Variants in LGI4 observed in about 807,000 individuals in gnomAD.
The protein encoded by LGI4 is leucine-rich repeat LGI family member 4.
Under a neutral mutation model 48.3 loss-of-function variants are expected in LGI4, and 36 were observed. The observed-to-expected ratio is 0.75, with a 90% CI of 0.57 to 0.98. The LOEUF (loss-of-function observed/expected upper bound fraction) is 0.98. Ranked by LOEUF, LGI4 falls within the 50% of genes least tolerant of loss-of-function variation. The pLI, the probability that LGI4 is intolerant of heterozygous loss-of-function variation, is 0.00. For missense variants in LGI4, 701 were observed against 732.1 expected (o/e 0.96, Z 0.49); for synonymous variants, 355 against 331.6 (o/e 1.07, Z -0.77).
At chr19:35,132,082 C>G in intron 3 of LGI4, 40 bp from the exon 4 acceptor site, 1 of 1,513,954 alleles carries the variant, frequency 6.6e-7, no homozygotes, top group Non-Finnish European at 9.0e-7. Flanking sequence ...GCCCGCTGAG[C>G]TTCAGGGAAC....
intron 6 of LGI4, among the ~76,000 whole-genome samples, chr19:35,130,772 T>A (rs546155087): frequency 6.6e-6 from 1 of 152,266 alleles, no homozygotes; most frequent in East Asian, 1.9e-4. Context: ...TCCCCCCAGC[T>A]CTGTGTGGCC....
intron 6 of LGI4, among the ~76,000 whole-genome samples, chr19:35,129,053 C>T (rs1240020237): frequency 6.6e-6 from 1 of 152,194 alleles, no homozygotes; most frequent in Non-Finnish European, 1.5e-5. Flanking sequence ...ACACATTGAT[C>T]TGTGCCGTGT....
chr19:35,126,910 G>GGCAGC lies in LGI4; in HGVS notation c.731_735dup (p.Leu246AlafsTer3). On this transcript the variant is annotated frameshift_variant, in exon 7 of 9. Coordinates refer to ENST00000310123, the MANE Select transcript of LGI4 (RefSeq NM_139284.3). LOFTEE classifies it high-confidence loss of function. The stretch of plus-strand genomic sequence containing the variant: ...AGGCTGTAGTCCCAGGAGAGAATCA[G>GGCAGC]GCAGCGGCCGGCGAAGGGCTGTGCC... The GGCAGC allele has an allele frequency of 6.2e-7, 1 of 1,613,696 alleles. No homozygotes were observed. Among genetic ancestry groups the GGCAGC allele is most frequent in the Non-Finnish European group, 8.5e-7 (1 of 1,179,926 alleles).
chr19:35,134,058 G>A lies in LGI4; in HGVS notation c.217C>T (p.Leu73=). 6.4e-7 allele frequency: 1 copy of A among 1,565,234 alleles called. No homozygotes were observed. The highest frequency in any genetic ancestry group is 1.4e-5 in the African/African-American group (1 of 73,928). ...AGCAGGTGCAGAGACGGAATTCTCA[G>A]GAAGCTGCCGGCCTTCAGCTGGGTG... ...GVTQLKAGSF[L]RIPSLHLLLF... Residue 73 remains leucine, a synonymous_variant, in exon 2 of 9, where the codon CTG becomes TTG. Coordinates refer to ENST00000310123, the MANE Select transcript of LGI4 (RefSeq NM_139284.3).
rs748297500 is a variant in LGI4, at chr19:35,126,408, G to C, written c.1161C>G (p.Pro387=). The change falls in exon 8 of 9, where the codon CCC becomes CCG. Residue 387 remains proline, a synonymous_variant. Coordinates refer to ENST00000310123, the MANE Select transcript of LGI4 (RefSeq NM_139284.3). ...GGCCACCGGTCCAGTGGAAGAGCAC[G>C]GGCCGCTGGGAAGCCGAGGCCAGCA... The part of the protein sequence containing the change: ...HLLLASASQR[P]VLFHWTGGRF... The C allele has an allele frequency of 5.0e-6, 8 of 1,608,058 alleles. No individual in the cohort carries two copies. The highest frequency in any genetic ancestry group is 5.9e-6 in the Non-Finnish European group (7 of 1,178,696).
At chr19:35,131,167 A>T in intron 6 of LGI4, 1 of 649,160 alleles carries the variant, frequency 1.5e-6, no homozygotes, top group Non-Finnish European at 2.7e-6. Flanking sequence ...AATGCCGAAC[A>T]CGTGAAGATG....
At chr19:35,133,398 C>G in intron 3 of LGI4, 1 of 1,249,920 alleles carries the variant, frequency 8.0e-7, no homozygotes, top group Non-Finnish European at 1.0e-6. Flanking sequence ...TTCTATGAGT[C>G]AGGGAGAGCC....
At chr19:35,133,542 T>A in intron 3 of LGI4, 151 bp downstream of exon 3, 1 of 1,472,102 alleles carries the variant, frequency 6.8e-7, no homozygotes. Flanking sequence ...TCATCACCAT[T>A]GGGTTCGCCA....
intron 1 of LGI4, 151 bp from the exon 2 acceptor site, chr19:35,134,255 C>T (rs1224135856): frequency 3.7e-6 from 3 of 815,346 alleles, no homozygotes; most frequent in Admixed American, 4.2e-5. Flanking sequence ...CATTTGCCCT[C>T]CTGGCTTGAC....
chr19:35,134,853 A>C lies in LGI4; in HGVS notation c.-173T>G. On this transcript the variant is annotated 5_prime_UTR_variant, in exon 1 of 9. Coordinates refer to ENST00000310123, the MANE Select transcript of LGI4 (RefSeq NM_139284.3). ...TCAGTCGGCCTTCCTCCCTGTTCGT[A>C]TGTCTTTGGTGTCTAATTTTCTGTT... The C allele has an allele frequency of 1.9e-6, 1 of 537,712 alleles. No homozygotes were observed. Among genetic ancestry groups the C allele is most frequent in the Non-Finnish European group, 3.3e-6 (1 of 307,246 alleles). The allele number at this position is 537,712 out of a possible 1,614,324, so 33.3% of individuals were successfully genotyped here.
At chr19:35,131,275 G>C in intron 6 of LGI4, 111 bp downstream of exon 6, 1 of 1,353,758 alleles carries the variant, frequency 7.4e-7, no homozygotes, top group South Asian at 1.2e-5. Flanking sequence ...TGCTTGCTCA[G>C]GGTCTTCCCA....
In LGI4 at chr19:35,126,412, C is replaced by T. The variant is rs1160354002; in HGVS notation, c.1157G>A (p.Arg386Gln). ...PHLLLASASQ[R>Q]PVLFHWTGGR... Reference sequence around the variant, plus strand: ...ACCGGTCCAGTGGAAGAGCACGGGCCGCTGGGAAGCCGAGGCCAGCAGCAG... The same window carrying T: ...ACCGGTCCAGTGGAAGAGCACGGGCTGCTGGGAAGCCGAGGCCAGCAGCAG... The change falls in exon 8 of 9, where the codon CGG becomes CAG. Residue 386 changes from arginine (R) to glutamine (Q), a missense_variant. By Grantham distance (43) the Arg-to-Gln change is conservative (BLOSUM62 1). Coordinates refer to ENST00000310123, the MANE Select transcript of LGI4 (RefSeq NM_139284.3). The T allele has an allele frequency of 1.9e-6, 3 of 1,607,548 alleles. No homozygotes were observed. Among genetic ancestry groups the T allele is most frequent in the Admixed American group, 3.4e-5 (2 of 59,548 alleles).
chr19:35,133,541 T>C (rs897762005), intron 3 of LGI4, 152 bp downstream of exon 3: 4 of 1,470,708 alleles, frequency 2.7e-6, no homozygotes, highest in Non-Finnish European at 3.6e-6. Context: ...ATCATCACCA[T>C]TGGGTTCGCC....
intron 3 of LGI4, chr19:35,133,189 TATC>T (rs78702021): frequency 0.011 from 2,395 of 220,764 alleles, 18 homozygotes; most frequent in South Asian, 0.021. Flanking sequence ...CCACTGCCAT[TATC>T]ATCAACGCCA....
rs373563054 is a variant in LGI4 at position 35,131,758 on chromosome 19, C to A, written c.458+31G>T. Reference sequence around the variant, plus strand: ...CCCGCCGACACAAACATTCCCCAACCCCCCACATTCCCAGCCCCCATGAGC... The same window carrying A: ...CCCGCCGACACAAACATTCCCCAACACCCCACATTCCCAGCCCCCATGAGC... On this transcript the variant is annotated intron_variant, in intron 5 of 8. Transcript: ENST00000310123. 61 of 1,510,466 alleles carry A rather than the reference C, an allele frequency of 4.0e-5. No homozygotes were observed. In the African/African-American group the frequency reaches 7.5e-4, roughly 19 times the overall value. 93.6% of individuals were successfully genotyped at this position (1,510,466 alleles called of 1,614,324 possible).
chr19:35,126,658 G>C lies in LGI4; in HGVS notation c.911C>G (p.Ala304Gly). 7 of 1,536,530 alleles carry C rather than the reference G, an allele frequency of 4.6e-6. No homozygotes were observed. Among genetic ancestry groups the C allele is most frequent in the Non-Finnish European group, 6.1e-6 (7 of 1,146,686 alleles). Residue 304 changes from alanine to glycine, a missense_variant, in exon 8 of 9, where the codon GCC becomes GGC. Around this residue, in one of 3 missense-constraint regions of LGI4, gnomAD observed 462 missense variants for 436.4 expected, o/e 1.06. Coordinates refer to ENST00000310123, the MANE Select transcript of LGI4 (RefSeq NM_139284.3). Reference sequence around the variant, plus strand: ...CCGCGGGGCCAGGGTCTGCGTTGGGGCCAGGCGCAGGCCGGGACTGGGCCG... The same window carrying C: ...CCGCGGGGCCAGGGTCTGCGTTGGGCCCAGGCGCAGGCCGGGACTGGGCCG... ...WARPSPGLRL[A>G]PTQTLAPRRL...
Position 35,131,435 on chromosome 19 carries a change from G to T in LGI4, c.579C>A (p.His193Gln), listed in dbSNP as rs1052161384. 1 of 1,552,474 alleles carries T rather than the reference G, an allele frequency of 6.4e-7. No homozygotes were observed. Among genetic ancestry groups the T allele is most frequent in the Non-Finnish European group, 8.7e-7 (1 of 1,147,288 alleles). Residue 193 changes from histidine to glutamine, a missense_variant, in exon 6 of 9, where the codon CAC becomes CAA. Around this residue, in one of 3 missense-constraint regions of LGI4, gnomAD observed 462 missense variants for 436.4 expected, o/e 1.06. Transcript: ENST00000310123. ...TGGGGTCGAGGTGGTGGAGCTGCATGTGGCTCAGGGAGGCGGGGCCCGCAC... is the reference window on the plus strand; with the variant it reads ...TGGGGTCGAGGTGGTGGAGCTGCATTTGGCTCAGGGAGGCGGGGCCCGCAC... ...GACAGPASLSHMQLHHLDPKT... is the reference protein window; with the variant it reads ...GACAGPASLSQMQLHHLDPKT...
In LGI4 at chr19:35,125,511, TG is replaced by T. The variant is rs1450636439; in HGVS notation, c.1300-5del. The stretch of plus-strand genomic sequence containing the variant: ...TGGAGCCGTCCCAGCGCATGACCTG[TG>T]GGGGTGTGGCCAGTGAGGGCCTGGG... On this transcript the variant is annotated splice_polypyrimidine_tract_variant and splice_region_variant and intron_variant, in intron 8 of 8. Transcript: ENST00000310123. 1.3e-6 allele frequency: 2 copies of T among 1,538,382 alleles called. No homozygotes were observed. Among genetic ancestry groups the T allele is most frequent in the Non-Finnish European group, 1.8e-6 (2 of 1,138,496 alleles).
intron 2 of LGI4, 132 bp downstream of exon 2, chr19:35,133,901 C>T: frequency 2.3e-6 from 3 of 1,288,224 alleles, no homozygotes; most frequent in Non-Finnish European, 3.3e-6. Flanking sequence ...TGCTTTTGTA[C>T]AGACGTGTGC....
Sources: allele counts gnomAD v4.1 joint callset (sites outside exome capture counted in the v4.1 genomes callset), GRCh38; gene constraint gnomAD v4.1.1; regional missense constraint gnomAD v4.1.1; transcripts MANE v1.5; gene names NCBI Gene and HGNC (gene_info 2026-07-23, HGNC 2026-07-21).